Variants in TMEM161B observed in about 807,000 individuals in gnomAD.
TMEM161B encodes transmembrane protein 161B.
Under a neutral mutation model 61.8 loss-of-function variants are expected in TMEM161B, and 34 were observed. The ratio of observed to expected loss-of-function variants is 0.55; its 90% CI spans 0.42 to 0.73. TMEM161B has a LOEUF of 0.73. Ranked by LOEUF, TMEM161B falls within the 30% of genes least tolerant of loss-of-function variation. TMEM161B has a pLI of 0.00. For missense variants in TMEM161B, 456 were observed against 558.5 expected (o/e 0.82, Z 1.85); for synonymous variants, 167 against 192.8 (o/e 0.87, Z 1.11).
In TMEM161B at chr5:88,220,664, T is replaced by C. The variant is rs143772092; in HGVS notation, c.345A>G (p.Thr115=). The C allele has an allele frequency of 2.5e-6, 4 of 1,582,926 alleles. No homozygotes were observed. The African/African-American group carries it at 5.8e-5, about 23-fold the overall frequency. The change falls in exon 5 of 12, where the codon ACA becomes ACG. Residue 115 remains threonine, a synonymous_variant. Coordinates refer to ENST00000296595, the MANE Select transcript of TMEM161B (RefSeq NM_153354.5). ...AGACTTCAGTTACTAGATACACAAC[T>C]GTAGCAGCCACTGTGAAATCCACCA... ...QWLVDFTVAA[T]VVYLVTEVYY...
At chr5:88,219,571 A>G (rs1748536442) in intron 5 of TMEM161B, among the ~76,000 whole-genome samples, 1 of 152,166 alleles carries the variant, frequency 6.6e-6, no homozygotes, top group African/African-American at 2.4e-5. Flanking sequence ...AAAATGTCAG[A>G]AACCAGAAGA....
rs1409388157 is a variant in TMEM161B, at chr5:88,268,751, C to T, written c.-28G>A. Reference sequence around the variant, plus strand: ...CGCCTAGGATAGGTCGTGGACCAGACACCCTGGAGTTGCCGGGGCAGTCCC... The same window carrying T: ...CGCCTAGGATAGGTCGTGGACCAGATACCCTGGAGTTGCCGGGGCAGTCCC... On this transcript the variant is annotated 5_prime_UTR_variant, in exon 1 of 12. Transcript: ENST00000296595. The T allele has an allele frequency of 6.2e-7, 1 of 1,614,044 alleles. No homozygotes were observed. Among genetic ancestry groups the T allele is most frequent in the East Asian group, 2.2e-5 (1 of 44,836 alleles).
At chr5:88,258,089 T>C (rs1331702107) in intron 1 of TMEM161B, among the ~76,000 whole-genome samples, 1 of 152,168 alleles carries the variant, frequency 6.6e-6, no homozygotes, top group Non-Finnish European at 1.5e-5. Flanking sequence ...AGAATAAGCA[T>C]TCAGTAAATG....
chr5:88,260,628 C>T (rs981926346), intron 1 of TMEM161B, among the ~76,000 whole-genome samples: 1 of 151,984 alleles, frequency 6.6e-6, no homozygotes, highest in African/African-American at 2.4e-5. Context: ...ATTTTTAAAA[C>T]CTTTTGTAAA....
intron 10 of TMEM161B, 173 bp from the exon 11 acceptor site, chr5:88,197,938 G>A: frequency 2.2e-6 from 1 of 454,492 alleles, no homozygotes; most frequent in Non-Finnish European, 3.9e-6. Flanking sequence ...ACTTTGGAAA[G>A]GCTCAATTTG....
intron 1 of TMEM161B, among the ~76,000 whole-genome samples, chr5:88,253,658 CA>C (rs906394292): frequency 5.3e-5 from 8 of 152,048 alleles, no homozygotes; most frequent in African/African-American, 1.7e-4. Flanking sequence ...GTAACCAAAT[CA>C]AATATGTTTG....
intron 8 of TMEM161B, among the ~76,000 whole-genome samples, chr5:88,204,456 T>C (rs1300337058): frequency 6.6e-6 from 1 of 152,148 alleles, no homozygotes; most frequent in Non-Finnish European, 1.5e-5. Context: ...GATTCTTTCA[T>C]CCCACAGACT....
At chr5:88,208,636 C>T (rs1746061854) in intron 5 of TMEM161B, among the ~76,000 whole-genome samples, 1 of 152,172 alleles carries the variant, frequency 6.6e-6, no homozygotes, top group Admixed American at 6.5e-5. Flanking sequence ...GAGTGAAACT[C>T]CGTCTCAGGA....
chr5:88,206,331 C>T, intron 7 of TMEM161B, 108 bp downstream of exon 7: 1 of 878,400 alleles, frequency 1.1e-6, no homozygotes, highest in Non-Finnish European at 1.7e-6. Context: ...AGTGACAGTC[C>T]AACTTAAAAC....
intron 5 of TMEM161B, among the ~76,000 whole-genome samples, chr5:88,212,745 CT>C (rs1421909311): frequency 6.6e-6 from 1 of 152,190 alleles, no homozygotes; most frequent in African/African-American, 2.4e-5. Flanking sequence ...ACAAGAATCA[CT>C]TGAATCCAGG....
chr5:88,262,011 T>C (rs1204427862), intron 1 of TMEM161B, among the ~76,000 whole-genome samples: 1 of 152,090 alleles, frequency 6.6e-6, no homozygotes, highest in Non-Finnish European at 1.5e-5. Flanking sequence ...GGGGAAAATA[T>C]CTGCAAAAGA....
intron 2 of TMEM161B, among the ~76,000 whole-genome samples, chr5:88,239,529 T>C (rs181959417): frequency 3.3e-5 from 5 of 151,928 alleles, no homozygotes; most frequent in African/African-American, 9.6e-5. Flanking sequence ...AGTAAAAAAA[T>C]AGTTAAAGAT....
At chr5:88,266,844 T>C (rs891969293) in intron 1 of TMEM161B, among the ~76,000 whole-genome samples, 5 of 152,188 alleles carry the variant, frequency 3.3e-5, no homozygotes, top group African/African-American at 4.8e-5. Context: ...TCAGCCAAGA[T>C]AATTAGCTCA....
chr5:88,213,693 G>A (rs1747291835), intron 5 of TMEM161B, among the ~76,000 whole-genome samples: 1 of 152,110 alleles, frequency 6.6e-6, no homozygotes, highest in South Asian at 2.1e-4. Context: ...CAGAAATAAT[G>A]TCCTATTACC....
chr5:88,185,688 G>A (rs1430346235), downstream of TMEM161B, among the ~76,000 whole-genome samples: 1 of 152,104 alleles, frequency 6.6e-6, no homozygotes, highest in Non-Finnish European at 1.5e-5. Context: ...GTCTGAGATT[G>A]AAAATTTCAC....
At chr5:88,206,798 GA>G in intron 6 of TMEM161B, among the ~76,000 whole-genome samples, 1 of 151,580 alleles carries the variant, frequency 6.6e-6, no homozygotes, top group South Asian at 2.1e-4. Flanking sequence ...TAACTGTAAG[GA>G]AAAAAACGAG....
chr5:88,252,278 T>C, intron 1 of TMEM161B, among the ~76,000 whole-genome samples: 1 of 152,082 alleles, frequency 6.6e-6, no homozygotes. Flanking sequence ...AAAAAGGAAC[T>C]GTGGAAAATA....
intron 5 of TMEM161B, among the ~76,000 whole-genome samples, chr5:88,215,137 C>T (rs1161310522): frequency 6.6e-6 from 1 of 152,074 alleles, no homozygotes; most frequent in Non-Finnish European, 1.5e-5. Flanking sequence ...AATTTGGGGA[C>T]CATTTTAACA....
chr5:88,198,944 A>G (rs150670706), intron 10 of TMEM161B, 32 bp downstream of exon 10: 7 of 1,540,332 alleles, frequency 4.5e-6, no homozygotes, highest in African/African-American at 2.8e-5. Context: ...GGTTTTTGCT[A>G]TTTTTCATTT....
Sources: gnomAD v4.1 joint callset for allele counts (sites outside exome capture counted in the v4.1 genomes callset) on GRCh38, gnomAD v4.1.1 for gene constraint, MANE v1.5 for transcripts, NCBI Gene and HGNC (gene_info 2026-07-23, HGNC 2026-07-21) for gene names.